ATP13A4: variants seen among roughly 807,000 people sequenced by gnomAD.
The protein encoded by ATP13A4 is probable cation-transporting ATPase 13A4.
Under a neutral mutation model 142.5 loss-of-function variants are expected in ATP13A4, and 114 were observed. That is an observed-to-expected ratio of 0.80 (90% CI 0.69 to 0.93). The LOEUF is 0.93. Among genes scored for constraint, ATP13A4 ranks in the 40% least tolerant of loss-of-function variants. ATP13A4 has a pLI of 0.00. For synonymous variants in ATP13A4, 488 were observed against 514.8 expected, an observed-to-expected ratio of 0.95 and a Z score of 0.70; for missense variants, 1,392 against 1,454.0, an observed-to-expected ratio of 0.96 and a Z score of 0.69.
upstream of ATP13A4, among the ~76,000 whole-genome samples, chr3:193,556,493 ATG>A (rs201649566): frequency 2.1e-4 from 31 of 149,062 alleles, no homozygotes; most frequent in East Asian, 1.2e-3. Flanking sequence ...GTGTGTGTGT[ATG>A]TGTGTGTGTG....
intron 3 of ATP13A4, among the ~76,000 whole-genome samples, chr3:193,500,831 C>T (rs1416474451): frequency 6.6e-6 from 1 of 152,192 alleles, no homozygotes; most frequent in African/African-American, 2.4e-5. Context: ...GACAGCTCCT[C>T]TGACTTTAAG....
At chr3:193,422,943 T>G (rs1295810218) in intron 25 of ATP13A4, among the ~76,000 whole-genome samples, 1 of 149,290 alleles carries the variant, frequency 6.7e-6, no homozygotes, top group Non-Finnish European at 1.5e-5. Flanking sequence ...GTTGGTTTTC[T>G]GAGGAGATAA....
intron 26 of ATP13A4, 59 bp downstream of exon 26, chr3:193,414,520 C>A: frequency 6.3e-7 from 1 of 1,594,212 alleles, no homozygotes; most frequent in Non-Finnish European, 8.6e-7. Context: ...TCATATTGGC[C>A]AGAGGATGTT....
intron 1 of ATP13A4, 47 bp downstream of exon 1, chr3:193,554,693 A>T: frequency 6.4e-7 from 1 of 1,558,136 alleles, no homozygotes; most frequent in Non-Finnish European, 8.8e-7. Context: ...TGTGTCTCGC[A>T]GGCTGAGAAG....
chr3:193,514,536 G>C (rs1174311088), intron 2 of ATP13A4, among the ~76,000 whole-genome samples, 162 bp downstream of exon 2: 1 of 150,880 alleles, frequency 6.6e-6, no homozygotes, highest in African/African-American at 2.4e-5. Context: ...ACACAAATTA[G>C]TGAAATCCTG....
chr3:193,559,281 A>G (rs548290308), upstream of ATP13A4, among the ~76,000 whole-genome samples: 2 of 152,308 alleles, frequency 1.3e-5, no homozygotes, highest in East Asian at 3.9e-4. Context: ...GAGCTGTTCA[A>G]GGTCATGTGT....
chr3:193,411,963 A>C (rs1467435132), intron 27 of ATP13A4, among the ~76,000 whole-genome samples: 2 of 152,232 alleles, frequency 1.3e-5, no homozygotes, highest in East Asian at 3.8e-4. Context: ...GGCGAAGGAA[A>C]GGGAGAAAGA....
chr3:193,571,278 C>CAAAAAA (rs57432082), intron 2 of ATP13A4, among the ~76,000 whole-genome samples: 58 of 95,690 alleles, frequency 6.1e-4, no homozygotes, highest in Middle Eastern at 5.7e-3. Flanking sequence ...GACCTTGTCT[C>CAAAAAA]AAAAAAAAAA....
chr3:193,425,893 G>A (rs960119209), intron 25 of ATP13A4, among the ~76,000 whole-genome samples: 3 of 151,668 alleles, frequency 2.0e-5, no homozygotes, highest in African/African-American at 7.2e-5. Context: ...TACAAAAAAT[G>A]ATAAATGTGC....
At chr3:193,505,808 T>C (rs899489091) in intron 2 of ATP13A4, among the ~76,000 whole-genome samples, 4 of 152,200 alleles carry the variant, frequency 2.6e-5, no homozygotes, top group African/African-American at 9.7e-5. Flanking sequence ...GGCAAAATCA[T>C]TGACTTCTCA....
intron 1 of ATP13A4, among the ~76,000 whole-genome samples, chr3:193,537,542 A>G (rs1191181875): frequency 1.3e-5 from 2 of 152,208 alleles, no homozygotes; most frequent in Non-Finnish European, 2.9e-5. Context: ...AAAACATCTT[A>G]GGAGCAAAAG....
chr3:193,521,898 A>C (rs976196404), intron 1 of ATP13A4, among the ~76,000 whole-genome samples: 4 of 151,768 alleles, frequency 2.6e-5, no homozygotes, highest in African/African-American at 9.7e-5. Context: ...GTGCCACTGC[A>C]CTCCAGCCTG....
Position 193,442,430 on chromosome 3 carries a change from A to G in ATP13A4, c.2279T>C (p.Leu760Ser), listed in dbSNP as rs1193792089. 3.1e-6 allele frequency: 5 copies of G among 1,614,044 alleles called. No individual in the cohort carries two copies. The highest frequency in any genetic ancestry group is 4.2e-6 in the Non-Finnish European group (5 of 1,179,900). ...CATAATGTGTTTCTTCTCTTCTACTAACGTCCAAGATATAGATGCTGATGA... is the reference window on the plus strand; with the variant it reads ...CATAATGTGTTTCTTCTCTTCTACTGACGTCCAAGATATAGATGCTGATGA... ...GSSSASISWTLVEEKKHIMYG... is the reference protein window; with the variant it reads ...GSSSASISWTSVEEKKHIMYG... Residue 760 changes from leucine to serine, a missense_variant, in exon 19 of 30, where the codon TTA becomes TCA. By Grantham distance (145) the Leu-to-Ser change is moderately radical. Coordinates refer to ENST00000342695, the MANE Select transcript of ATP13A4 (RefSeq NM_032279.4).
intron 14 of ATP13A4, among the ~76,000 whole-genome samples, chr3:193,458,059 T>C (rs1036706472): frequency 6.6e-6 from 1 of 152,194 alleles, no homozygotes; most frequent in Admixed American, 6.5e-5. Flanking sequence ...GCAATCCCTA[T>C]TTAAAGATAT....
In ATP13A4 at chr3:193,457,379, C is replaced by A; in HGVS notation, c.1761G>T (p.Gln587His). ...GGGGTGAAGAGCAAGCAGGGCTTAC[C>A]TGGCTGGCTGTTCTGCAGGGCTTAA... Reference protein sequence around the residue: ...MVVKPCRTASQVPVEGIAILH... With the variant: ...MVVKPCRTASHVPVEGIAILH... The change falls in exon 15 of 30, where the codon CAG becomes CAT. Residue 587 changes from glutamine to histidine, a missense_variant and splice_region_variant. By Grantham distance (24) the Gln-to-His change is conservative (BLOSUM62 0). Transcript: ENST00000342695. The A allele has an allele frequency of 6.2e-7, 1 of 1,614,132 alleles. No individual in the cohort carries two copies. The highest frequency in any genetic ancestry group is 8.5e-7 in the Non-Finnish European group (1 of 1,179,956).
At chr3:193,511,526 C>T (rs1721140195) in intron 2 of ATP13A4, among the ~76,000 whole-genome samples, 1 of 152,192 alleles carries the variant, frequency 6.6e-6, no homozygotes, top group Non-Finnish European at 1.5e-5. Context: ...GATATGGGTG[C>T]ACCTTGTGCA....
intron 14 of ATP13A4, chr3:193,458,861 G>T: frequency 3.1e-6 from 2 of 641,744 alleles, no homozygotes; most frequent in Non-Finnish European, 5.5e-6. Context: ...TTTTCTTACT[G>T]CATCATCTCA....
chr3:193,525,262 G>A (rs367713108), intron 1 of ATP13A4, among the ~76,000 whole-genome samples: 9 of 152,124 alleles, frequency 5.9e-5, no homozygotes, highest in South Asian at 2.1e-4. Context: ...ACATCTAGTC[G>A]AACTCATCAT....
At chr3:193,576,238 C>A (rs7651133) in intron 2 of ATP13A4, among the ~76,000 whole-genome samples, 2,417 of 127,720 alleles carry the variant, frequency 0.019, 75 homozygotes, top group African/African-American at 0.066. Context: ...TGGAATGTGG[C>A]TTGAATCAAT....
Sources: gnomAD v4.1 joint callset for allele counts (sites outside exome capture counted in the v4.1 genomes callset) on GRCh38, gnomAD v4.1.1 for gene constraint, MANE v1.5 for transcripts, NCBI Gene and HGNC (gene_info 2026-07-23, HGNC 2026-07-21) for gene names.